The following CABIN1 variants were observed in gnomAD, a reference collection of about 807,000 sequenced individuals.
The protein encoded by CABIN1 is calcineurin-binding protein cabin-1.
CABIN1 carries 133 observed loss-of-function variants against 227.7 expected under a neutral mutation model. The observed-to-expected ratio is 0.58, with a 90% confidence interval of 0.51 to 0.67. The LOEUF (loss-of-function observed/expected upper bound fraction) is 0.67, where lower values mean the gene tolerates loss of function less well. CABIN1 is among the 30% of genes least tolerant of loss of function. The pLI, the probability that CABIN1 is intolerant of heterozygous loss-of-function variation, is 0.00. For missense variants in CABIN1, 2,408 were observed against 2,852.5 expected, an observed-to-expected ratio of 0.84 and a Z score of 3.55; for synonymous variants, 1,086 against 1,155.1, an observed-to-expected ratio of 0.94 and a Z score of 1.21.
intron 29 of CABIN1, among the ~76,000 whole-genome samples, chr22:24,139,593 G>A (rs1206941187): frequency 6.6e-6 from 1 of 152,020 alleles, no homozygotes; most frequent in Non-Finnish European, 1.5e-5. Flanking sequence ...GTGCGTGTGT[G>A]CTTTTTAGCG....
intron 24 of CABIN1, among the ~76,000 whole-genome samples, chr22:24,094,003 G>T (rs931160992): frequency 6.6e-6 from 1 of 152,180 alleles, no homozygotes; most frequent in Non-Finnish European, 1.5e-5. Flanking sequence ...GCTCATTCGC[G>T]GCGTTGGATC....
intron 1 of CABIN1, among the ~76,000 whole-genome samples, chr22:24,028,511 A>G (rs939190809): frequency 6.6e-6 from 1 of 152,170 alleles, no homozygotes; most frequent in African/African-American, 2.4e-5. Context: ...TGAATGATGG[A>G]TGCTGGTCGT....
intron 23 of CABIN1, among the ~76,000 whole-genome samples, chr22:24,088,783 C>G (rs1348813337): frequency 6.6e-6 from 1 of 152,144 alleles, no homozygotes. Context: ...AATATGTACT[C>G]CTAGAAAAAA....
intron 23 of CABIN1, among the ~76,000 whole-genome samples, 156 bp from the exon 24 acceptor site, chr22:24,091,427 G>A (rs558067728): frequency 6.6e-6 from 1 of 152,312 alleles, no homozygotes; most frequent in East Asian, 1.9e-4. Flanking sequence ...ACACTTCGGT[G>A]TCACCAGCTG....
chr22:24,020,014 T>C (rs1005437154), intron 1 of CABIN1, among the ~76,000 whole-genome samples: 5 of 152,180 alleles, frequency 3.3e-5, no homozygotes, highest in Non-Finnish European at 7.3e-5. Context: ...TGGCTAATAT[T>C]GCACAGGTGG....
chr22:24,111,941 C>T (rs1010003339), intron 26 of CABIN1, among the ~76,000 whole-genome samples: 3 of 152,146 alleles, frequency 2.0e-5, no homozygotes, highest in African/African-American at 4.8e-5. Context: ...GCATTTGACT[C>T]TTGCTTTTTT....
chr22:24,041,878 G>T (rs1031559604), intron 5 of CABIN1, among the ~76,000 whole-genome samples: 5 of 152,206 alleles, frequency 3.3e-5, no homozygotes, highest in African/African-American at 1.2e-4. Context: ...CTGCTAATCA[G>T]TGTTGCAGCA....
chr22:24,110,910 C>G (rs969538042), intron 26 of CABIN1, among the ~76,000 whole-genome samples: 2 of 148,270 alleles, frequency 1.3e-5, no homozygotes, highest in African/African-American at 5.0e-5. Context: ...CTTTCCCTTG[C>G]TTGGTGTTTT....
rs372977553 is a variant in CABIN1, at chr22:24,024,635, T to C, written c.-74-10809T>C. 5.3e-5 allele frequency among the ~76,000 whole-genome samples: 8 copies of C among 152,200 alleles called. No homozygotes were observed. In the East Asian group the frequency reaches 7.7e-4, roughly 15 times the overall value. ...ACCCCTTTCTCTCTTCTCCCTCAGA[T>C]ACTCATATGATACATACGTTAGTTT... On this transcript the variant is annotated intron_variant, in intron 1 of 36. Transcript: ENST00000263119.
intron 13 of CABIN1, 42 bp downstream of exon 13, chr22:24,062,067 AC>A: frequency 6.6e-7 from 1 of 1,505,290 alleles, no homozygotes; most frequent in Non-Finnish European, 9.2e-7. Context: ...TAATATCTGA[AC>A]CCCCAGCAGC....
At chr22:24,075,145 TTGAGCTA>T in intron 18 of CABIN1, among the ~76,000 whole-genome samples, 1 of 151,956 alleles carries the variant, frequency 6.6e-6, no homozygotes, top group Non-Finnish European at 1.5e-5. Flanking sequence ...GGAGGCTGCA[TTGAGCTA>T]TGACCATGCC....
chr22:24,037,988 A>G (rs1050487440), intron 3 of CABIN1, among the ~76,000 whole-genome samples: 5 of 152,176 alleles, frequency 3.3e-5, no homozygotes, highest in Admixed American at 6.5e-5. Flanking sequence ...AGCCAAGTGG[A>G]GGAGATATTT....
chr22:24,054,828 C>A (rs764600299), intron 8 of CABIN1, 45 bp from the exon 9 acceptor site: 3 of 1,613,524 alleles, frequency 1.9e-6, no homozygotes, highest in East Asian at 4.5e-5. Context: ...TTGGAGTATT[C>A]CTCTGACAGG....
chr22:24,093,824 A>G (rs565267303), intron 24 of CABIN1, among the ~76,000 whole-genome samples: 2 of 151,884 alleles, frequency 1.3e-5, no homozygotes, highest in East Asian at 3.9e-4. Context: ...GGCTGTAGTG[A>G]GCTGTGATCA....
intron 4 of CABIN1, among the ~76,000 whole-genome samples, chr22:24,039,598 C>T (rs907237168): frequency 2.0e-5 from 3 of 152,148 alleles, no homozygotes; most frequent in Non-Finnish European, 4.4e-5. Flanking sequence ...TGTTGGTCTT[C>T]CCTCTCAGGA....
rs1348569208 is a variant in CABIN1 at position 24,172,082 on chromosome 22, G to A, written c.6040+87G>A. The A allele has an allele frequency of 4.1e-6, 6 of 1,478,306 alleles. No individual in the cohort carries two copies. In the African/African-American group the frequency reaches 7.0e-5, roughly 17 times the overall value. 91.6% of individuals were successfully genotyped at this position (1,478,306 alleles called of 1,614,324 possible). A position where few individuals can be genotyped will look rare whatever the true frequency, so the allele number is the denominator to read the frequency against. On this transcript the variant is annotated intron_variant, in intron 34 of 36. Coordinates refer to ENST00000263119, the MANE Select transcript of CABIN1 (RefSeq NM_012295.4). The stretch of plus-strand genomic sequence containing the variant: ...GGGGAGAGTGTGAGTATGGGTAAGG[G>A]AGGCAAGCAGTGCCCTCCCGCCCAG...
chr22:24,163,002 C>T (rs984683350), intron 29 of CABIN1, among the ~76,000 whole-genome samples: 3 of 152,306 alleles, frequency 2.0e-5, no homozygotes, highest in Non-Finnish European at 4.4e-5. Context: ...TGTAGATAGA[C>T]CCTGTCTGTT....
intron 29 of CABIN1, among the ~76,000 whole-genome samples, chr22:24,141,644 C>T (rs770169899): frequency 3.3e-5 from 5 of 152,002 alleles, no homozygotes; most frequent in Non-Finnish European, 7.4e-5. Context: ...TTTGGCCTAT[C>T]TGTGGAGTGT....
chr22:24,150,589 G>A (rs920666222), intron 29 of CABIN1, among the ~76,000 whole-genome samples: 2 of 152,166 alleles, frequency 1.3e-5, no homozygotes, highest in African/African-American at 2.4e-5. Context: ...TGAGAGCAGC[G>A]GACTGCATAG....
Sources: gnomAD v4.1 joint callset for allele counts (sites outside exome capture counted in the v4.1 genomes callset) on GRCh38, gnomAD v4.1.1 for gene constraint, MANE v1.5 for transcripts, NCBI Gene and HGNC (gene_info 2026-07-23, HGNC 2026-07-21) for gene names.